LRP1B: variants seen among roughly 807,000 people sequenced by gnomAD.
The protein encoded by LRP1B is LDL receptor related protein 1B.
In LRP1B, 217 loss-of-function variants were observed where a neutral mutation model predicts 556.6. That is an observed-to-expected ratio of 0.39 (90% confidence interval 0.35 to 0.44). The LOEUF (loss-of-function observed/expected upper bound fraction) is 0.44. Among genes scored for constraint, LRP1B ranks in the 20% least tolerant of loss-of-function variants. LRP1B has a pLI of 1.00. For synonymous variants in LRP1B, 2,047 were observed against 1,865.8 expected, an observed-to-expected ratio of 1.10 and a Z score of -2.50; for missense variants, 5,053 against 5,620.8, an observed-to-expected ratio of 0.90 and a Z score of 3.23.
intron 2 of LRP1B, among the ~76,000 whole-genome samples, chr2:141,543,333 C>A (rs892290201): frequency 6.6e-6 from 1 of 151,412 alleles, no homozygotes; most frequent in East Asian, 1.9e-4. Flanking sequence ...CATCCTGAAA[C>A]CCTGTCTCTA....
chr2:141,216,980 G>C (rs1005611184), intron 6 of LRP1B, among the ~76,000 whole-genome samples: 1 of 152,154 alleles, frequency 6.6e-6, no homozygotes. Flanking sequence ...TAATTGATCT[G>C]ATGCTGGAAT....
rs187299547 is a variant in LRP1B, at chr2:140,337,706, C to G, written c.11893-1868G>C. 1.8e-4 allele frequency among the ~76,000 whole-genome samples: 28 copies of G among 151,940 alleles called. 1 individual carries two copies. The highest frequency in any genetic ancestry group is 2.9e-5 in the Non-Finnish European group (2 of 67,876). ...TTATAATGCCCTTTGTCTGATTGAGCATAGAAAAAGTATCTATTTTCTGTT... is the reference window on the plus strand; with the variant it reads ...TTATAATGCCCTTTGTCTGATTGAGGATAGAAAAAGTATCTATTTTCTGTT... On this transcript the variant is annotated intron_variant, in intron 77 of 90. Transcript: ENST00000389484.
chr2:142,116,033 T>C (rs1707260694), intron 1 of LRP1B, among the ~76,000 whole-genome samples: 1 of 144,800 alleles, frequency 6.9e-6, no homozygotes, highest in African/African-American at 2.5e-5. Flanking sequence ...GCGGCCAACA[T>C]GGTGAAATGT....
chr2:141,609,257 G>C (rs1235509423), intron 2 of LRP1B, among the ~76,000 whole-genome samples: 1 of 152,110 alleles, frequency 6.6e-6, no homozygotes, highest in African/African-American at 2.4e-5. Flanking sequence ...ACACTATTAC[G>C]TAGTGTTTCC....
chr2:140,989,842 T>C (rs1315436757), intron 16 of LRP1B, among the ~76,000 whole-genome samples, 185 bp from the exon 17 acceptor site: 2 of 152,092 alleles, frequency 1.3e-5, no homozygotes, highest in Non-Finnish European at 2.9e-5. Context: ...ATGTAATGCT[T>C]TTATAAAAAA....
intron 7 of LRP1B, among the ~76,000 whole-genome samples, chr2:141,099,590 CAT>C (rs1217481147): frequency 3.3e-5 from 5 of 152,222 alleles, no homozygotes; most frequent in Admixed American, 6.6e-5. Context: ...CACTTGCACA[CAT>C]GTCTGCACAC....
rs545503559 is a variant in LRP1B at position 141,384,071 on chromosome 2, T to C, written c.343+96325A>G. Among the ~76,000 whole-genome samples the C allele has an allele frequency of 2.0e-5, 3 of 152,286 alleles. No homozygotes were observed. In the South Asian group the frequency reaches 6.2e-4, roughly 32 times the overall value. ...TTAATTAGTTTGATGTAGTAATCCT[T>C]TTACGATGTCATCATACTGTATACC... On this transcript the variant is annotated intron_variant, in intron 3 of 90. Transcript: ENST00000389484.
At chr2:141,916,292 C>A (rs1361976630) in intron 1 of LRP1B, among the ~76,000 whole-genome samples, 1 of 152,052 alleles carries the variant, frequency 6.6e-6, no homozygotes, top group African/African-American at 2.4e-5. Flanking sequence ...CACCAGAAGG[C>A]CATTATCCTA....
chr2:140,259,879 TATC>T (rs1332111023), intron 86 of LRP1B, among the ~76,000 whole-genome samples: 1 of 151,926 alleles, frequency 6.6e-6, no homozygotes, highest in African/African-American at 2.4e-5. Flanking sequence ...AAATATGGAA[TATC>T]ATAGAGTAAT....
chr2:140,921,121 A>T (rs912462612), intron 21 of LRP1B, among the ~76,000 whole-genome samples: 1 of 151,744 alleles, frequency 6.6e-6, no homozygotes, highest in Non-Finnish European at 1.5e-5. Context: ...TTGTCTGCAA[A>T]TTTTTTTTCT....
At chr2:140,572,066 A>G (rs1681343634) in intron 43 of LRP1B, among the ~76,000 whole-genome samples, 1 of 151,752 alleles carries the variant, frequency 6.6e-6, no homozygotes, top group Non-Finnish European at 1.5e-5. Context: ...GAAATGCTTT[A>G]AGATATTATA....
chr2:141,538,997 GTA>G (rs1264348518), intron 2 of LRP1B, among the ~76,000 whole-genome samples: 1 of 152,144 alleles, frequency 6.6e-6, no homozygotes, highest in Non-Finnish European at 1.5e-5. Flanking sequence ...GTGCACACAT[GTA>G]TATATTCAAT....
chr2:141,232,258 G>A (rs1394464363), intron 5 of LRP1B, among the ~76,000 whole-genome samples: 2 of 152,138 alleles, frequency 1.3e-5, no homozygotes, highest in Non-Finnish European at 2.9e-5. Context: ...GATTTCTCAG[G>A]TGATAGTAAA....
At chr2:140,608,709 A>G (rs1381805890) in intron 41 of LRP1B, among the ~76,000 whole-genome samples, 1 of 152,188 alleles carries the variant, frequency 6.6e-6, no homozygotes, top group Admixed American at 6.5e-5. Flanking sequence ...CTGCATAGCA[A>G]AACAGGCCTA....
chr2:140,626,616 A>G (rs1683669478), intron 41 of LRP1B, among the ~76,000 whole-genome samples: 1 of 151,942 alleles, frequency 6.6e-6, no homozygotes, highest in East Asian at 1.9e-4. Context: ...AGATACAGGA[A>G]TATCTTCCTG....
chr2:141,645,085 A>G (rs1021173181), intron 2 of LRP1B, among the ~76,000 whole-genome samples: 3 of 152,134 alleles, frequency 2.0e-5, no homozygotes, highest in Admixed American at 6.6e-5. Context: ...TGAAATATAA[A>G]TAAACACTAT....
chr2:141,072,262 A>C (rs1699667316), intron 7 of LRP1B, among the ~76,000 whole-genome samples: 2 of 152,102 alleles, frequency 1.3e-5, no homozygotes, highest in Admixed American at 6.6e-5. Context: ...TGTATCACTG[A>C]CAGCACCCAT....
chr2:140,908,040 A>G lies in LRP1B; in HGVS notation c.3357T>C (p.Asp1119=), dbSNP rs1694307050. Residue 1119 remains aspartate, a synonymous_variant, in exon 22 of 91, where the codon GAT becomes GAC. Transcript: ENST00000389484. ...CATCTGACTGATCTTCGCAATCAAT[A>G]TCTCCATCACACACCCATGCTTTGT... ...CINKAWVCDG[D]IDCEDQSDED... is the part of the protein sequence containing the mutation. 1.9e-6 allele frequency: 3 copies of G among 1,613,450 alleles called. No homozygotes were observed. Among genetic ancestry groups the G allele is most frequent in the East Asian group, 2.2e-5 (1 of 44,822 alleles).
chr2:140,707,930 AT>A (rs1021178386), intron 37 of LRP1B, among the ~76,000 whole-genome samples: 1 of 152,054 alleles, frequency 6.6e-6, no homozygotes, highest in African/African-American at 2.4e-5. Flanking sequence ...CACTTTTCAA[AT>A]TTTTTGTTGT....
Sources: allele counts gnomAD v4.1 joint callset (sites outside exome capture counted in the v4.1 genomes callset), GRCh38; gene constraint gnomAD v4.1.1; transcripts MANE v1.5; gene names NCBI Gene and HGNC (gene_info 2026-07-23, HGNC 2026-07-21).